FNDC3B: variants seen among roughly 807,000 people sequenced by gnomAD.
FNDC3B encodes the protein fibronectin type III domain-containing protein 3B.
In FNDC3B, 12 loss-of-function variants were observed where a neutral mutation model predicts 151.5. That is an observed-to-expected ratio of 0.08 (90% CI 0.05 to 0.13). The LOEUF (loss-of-function observed/expected upper bound fraction) is 0.13. FNDC3B is among the 10% of genes least tolerant of loss of function. FNDC3B has a pLI of 1.00. For synonymous variants in FNDC3B, 528 were observed against 549.0 expected, an observed-to-expected ratio of 0.96 and a Z score of 0.54; for missense variants, 1,214 against 1,505.3, an observed-to-expected ratio of 0.81 and a Z score of 3.20.
At chr3:172,292,716 T>G (rs975031593) in intron 7 of FNDC3B, among the ~76,000 whole-genome samples, 1 of 152,222 alleles carries the variant, frequency 6.6e-6, no homozygotes, top group Admixed American at 6.5e-5. Context: ...GCCTCCTTTT[T>G]TTCCAAGAAA....
rs575966333 is a variant in FNDC3B at position 172,116,596 on chromosome 3, C to T, written c.111+4006C>T. 3.9e-5 allele frequency among the ~76,000 whole-genome samples: 6 copies of T among 151,920 alleles called. No individual in the cohort carries two copies. In the South Asian group the frequency reaches 6.2e-4, roughly 16 times the overall value. On this transcript the variant is annotated intron_variant, in intron 2 of 25. Coordinates refer to ENST00000415807, the MANE Select transcript of FNDC3B (RefSeq NM_022763.4). ...TTGTTTTTTTTTTGAGATGGAGTCT[C>T]GCTCTGTTGCCCAGGCTGGAGTGCA...
At position 172,332,959 on chromosome 3, in the gene FNDC3B, C is replaced by T. The variant is rs1036584656; in HGVS notation, c.1555-130C>T. On this transcript the variant is annotated intron_variant, in intron 13 of 25. Transcript: ENST00000415807. ...CTGGGCTTCTGATTTTTCTCTTTTG[C>T]GGTAGCTGCCAGACCTCTGGCCAGT... 1.7e-5 allele frequency: 12 copies of T among 726,992 alleles called. No individual in the cohort carries two copies. The Middle Eastern group carries it at 7.1e-4, about 43-fold the overall frequency. 45.0% of individuals were successfully genotyped at this position (726,992 alleles called of 1,614,324 possible). A position where few individuals can be genotyped will look rare whatever the true frequency, so the allele number is the denominator to read the frequency against.
intron 16 of FNDC3B, chr3:172,338,152 A>G (rs991630011): frequency 6.6e-6 from 1 of 152,092 alleles, no homozygotes; most frequent in African/African-American, 2.4e-5. Flanking sequence ...CGTCTCTACT[A>G]AAAATACAAA....
intron 25 of FNDC3B, among the ~76,000 whole-genome samples, chr3:172,391,735 A>G (rs149724851): frequency 3.9e-5 from 6 of 152,336 alleles, no homozygotes; most frequent in Non-Finnish European, 8.8e-5. Context: ...AATAAATAGT[A>G]TACCTGTGAC....
intron 4 of FNDC3B, among the ~76,000 whole-genome samples, chr3:172,243,687 G>A (rs1196790103): frequency 6.6e-6 from 1 of 152,164 alleles, no homozygotes; most frequent in Non-Finnish European, 1.5e-5. Context: ...TTCCTTTGGT[G>A]TCTTCACGTG....
At chr3:172,340,225 C>T (rs1733225191) in intron 16 of FNDC3B, among the ~76,000 whole-genome samples, 1 of 151,982 alleles carries the variant, frequency 6.6e-6, no homozygotes, top group African/African-American at 2.4e-5. Context: ...ACAAAGCGGT[C>T]AGATCACTTG....
chr3:172,272,820 A>G (rs560999440), intron 6 of FNDC3B, among the ~76,000 whole-genome samples: 3 of 152,312 alleles, frequency 2.0e-5, no homozygotes, highest in Non-Finnish European at 4.4e-5. Context: ...AATCCTGGCA[A>G]CTAGTGTAAA....
chr3:172,124,534 T>C (rs553336517), intron 2 of FNDC3B, among the ~76,000 whole-genome samples: 1 of 152,358 alleles, frequency 6.6e-6, no homozygotes, highest in East Asian at 1.9e-4. Context: ...GGACAAAAGA[T>C]GCTGTAAGGT....
intron 1 of FNDC3B, among the ~76,000 whole-genome samples, chr3:172,107,504 C>T (rs1413457384): frequency 3.3e-5 from 5 of 152,012 alleles, no homozygotes; most frequent in Admixed American, 6.6e-5. Flanking sequence ...ACAGCCTTGA[C>T]CAAAATGCCT....
rs1736384866 is a variant in FNDC3B at position 172,398,053 on chromosome 3, TTAATC to T, written c.*582_*586del. On this transcript the variant is annotated 3_prime_UTR_variant, in exon 26 of 26. Coordinates refer to ENST00000415807, the MANE Select transcript of FNDC3B (RefSeq NM_022763.4). ...GCTCATTTAAATCAAAATGTGTACT[TTAATC>T]TAAAATGTTTTAATAATCTGTATTT... 6.6e-6 allele frequency: 1 copy of T among 152,670 alleles called. No homozygotes were observed. The highest frequency in any genetic ancestry group is 2.4e-5 in the African/African-American group (1 of 41,458). The allele number at this position is 152,670 out of a possible 1,614,324, so 9.5% of individuals were successfully genotyped here.
Position 172,040,806 on chromosome 3 carries a change from G to C in FNDC3B, c.-29+1035G>C, listed in dbSNP as rs941532900. ...AAGTGGGGCCTCGGGCTGTGCCCGC[G>C]AACTTTCCCAGAGGTCCGGGTCCCG... On this transcript the variant is annotated intron_variant, in intron 1 of 25. Coordinates refer to ENST00000415807, the MANE Select transcript of FNDC3B (RefSeq NM_022763.4). The surrounding 1 kb of genome is among the most constrained non-coding windows in gnomAD (Gnocchi z 6.6). 1.3e-4 allele frequency among the ~76,000 whole-genome samples: 20 copies of C among 152,060 alleles called. No individual in the cohort carries two copies. The highest frequency in any genetic ancestry group is 5.9e-4 in the Admixed American group (9 of 15,288).
intron 3 of FNDC3B, chr3:172,186,571 T>G: frequency 1.6e-6 from 1 of 608,366 alleles, no homozygotes; most frequent in East Asian, 2.8e-5. Context: ...GTTTCTAGTG[T>G]CTTGGCACTA....
Position 172,378,418 on chromosome 3 carries a change from G to A in FNDC3B, c.3157G>A (p.Val1053Ile). The part of the protein sequence containing the change: ...ETYTFSTTKS[V>I]PPTIKAPRVT... ...CTATACCTTCAGCACAACCAAAAGT[G>A]TCCCCCCCACCATCAAAGGTGTGTA... Residue 1053 changes from valine to isoleucine, a missense_variant, in exon 24 of 26, where the codon GTC (valine) becomes ATC (isoleucine). Val to Ile is a conservative substitution (Grantham distance 29). Transcript: ENST00000415807. 6.2e-7 allele frequency: 1 copy of A among 1,612,080 alleles called. No homozygotes were observed. Among genetic ancestry groups the A allele is most frequent in the Non-Finnish European group, 8.5e-7 (1 of 1,179,278 alleles).
chr3:172,209,607 C>T (rs1725621591), intron 3 of FNDC3B, among the ~76,000 whole-genome samples: 1 of 152,170 alleles, frequency 6.6e-6, no homozygotes, highest in Non-Finnish European at 1.5e-5. Context: ...GGAAAAAGCA[C>T]CATCCGATTA....
At chr3:172,393,862 A>T (rs1289212624) in intron 25 of FNDC3B, among the ~76,000 whole-genome samples, 2 of 152,092 alleles carry the variant, frequency 1.3e-5, no homozygotes, top group African/African-American at 2.4e-5. Flanking sequence ...TAATCCCAGC[A>T]CTTTGGGAGG....
At chr3:172,307,738 G>A (rs1314679363) in intron 10 of FNDC3B, among the ~76,000 whole-genome samples, 1 of 152,086 alleles carries the variant, frequency 6.6e-6, no homozygotes, top group Non-Finnish European at 1.5e-5. Context: ...TTTTTAGCAC[G>A]ACTCCAGTCT....
At chr3:172,302,938 G>A (rs1292493364) in intron 9 of FNDC3B, 1 of 149,008 alleles carries the variant, frequency 6.7e-6, no homozygotes, top group Non-Finnish European at 1.5e-5. Context: ...GAGAGACAGA[G>A]ACAGAGAGAC....
rs746544379 is a variant in FNDC3B at position 172,378,452 on chromosome 3, A to C, written c.3175+16A>C. The C allele has an allele frequency of 1.3e-6, 2 of 1,581,386 alleles. No homozygotes were observed. The highest frequency in any genetic ancestry group is 1.4e-5 in the African/African-American group (1 of 73,392). On this transcript the variant is annotated intron_variant, in intron 24 of 25. Transcript: ENST00000415807. ...ACCATCAAAGGTGTGTAGACTATGTATTCTTTCTCGCTCTCTTGTGAGAGT... is the reference window on the plus strand; with the variant it reads ...ACCATCAAAGGTGTGTAGACTATGTCTTCTTTCTCGCTCTCTTGTGAGAGT...
At chr3:172,125,848 G>A (rs908445602) in intron 2 of FNDC3B, among the ~76,000 whole-genome samples, 1 of 152,128 alleles carries the variant, frequency 6.6e-6, no homozygotes, top group African/African-American at 2.4e-5. Flanking sequence ...CAGTGATACC[G>A]TACCGGGTTG....
Sources: gnomAD v4.1 joint callset for allele counts (sites outside exome capture counted in the v4.1 genomes callset) on GRCh38, gnomAD v4.1.1 for gene constraint, Gnocchi (gnomAD v3.1) non-coding constraint, MANE v1.5 for transcripts, NCBI Gene and HGNC (gene_info 2026-07-23, HGNC 2026-07-21) for gene names.